Variants in SLCO1C1 observed in about 807,000 individuals in gnomAD.
The protein encoded by SLCO1C1 is solute carrier organic anion transporter family member 1C1, also known as OAT-RP-5.
SLCO1C1 carries 70 observed loss-of-function variants against 76.4 expected under a neutral mutation model. That is an observed-to-expected ratio of 0.92 (90% CI 0.76 to 1.12). SLCO1C1 has a LOEUF of 1.12. Ranked by LOEUF, SLCO1C1 falls within the 50% of genes most tolerant of loss-of-function variation. The pLI is 0.00. For synonymous variants in SLCO1C1, 306 were observed against 286.1 expected (o/e 1.07, Z -0.70); for missense variants, 912 against 823.8 (o/e 1.11, Z -1.31).
At chr12:20,750,444 G>A (rs1293350950) in intron 13 of SLCO1C1, among the ~76,000 whole-genome samples, 3 of 152,162 alleles carry the variant, frequency 2.0e-5, no homozygotes, top group African/African-American at 7.2e-5. Context: ...TGAGTTTGAA[G>A]TGCCTGAGTG....
intron 2 of SLCO1C1, among the ~76,000 whole-genome samples, chr12:20,700,905 A>C (rs1213080100): frequency 6.6e-6 from 1 of 152,008 alleles, no homozygotes; most frequent in Non-Finnish European, 1.5e-5. Context: ...CACCCTGTGA[A>C]ATACATAATC....
chr12:20,725,413 T>A (rs530424034), intron 9 of SLCO1C1, among the ~76,000 whole-genome samples: 1 of 138,596 alleles, frequency 7.2e-6, no homozygotes, highest in African/African-American at 2.6e-5. Flanking sequence ...AATACTATAA[T>A]AATATAGTAA....
At chr12:20,699,484 T>C (rs1946416401) in intron 1 of SLCO1C1, 68 bp from the exon 2 acceptor site, 4 of 1,312,636 alleles carry the variant, frequency 3.0e-6, no homozygotes, top group South Asian at 3.4e-5. Context: ...TGGTATACTG[T>C]TGAATAAAAA....
At chr12:20,718,966 T>C (rs529727414) in intron 7 of SLCO1C1, among the ~76,000 whole-genome samples, 3 of 152,284 alleles carry the variant, frequency 2.0e-5, no homozygotes, top group Admixed American at 6.5e-5. Context: ...GCAGATACTA[T>C]ATATTTTTTA....
chr12:20,701,468 T>G lies in SLCO1C1; in HGVS notation c.271+9T>G. On this transcript the variant is annotated intron_variant, in intron 3 of 14. Transcript: ENST00000266509. Reference sequence around the variant, plus strand: ...TGGTAGTTTTGAAATTGGTAGGTATTACAGATGCCTGACTTTAATTTTAAG... The same window carrying G: ...TGGTAGTTTTGAAATTGGTAGGTATGACAGATGCCTGACTTTAATTTTAAG... 6.8e-7 allele frequency: 1 copy of G among 1,462,036 alleles called. No individual in the cohort carries two copies. Among genetic ancestry groups the G allele is most frequent in the African/African-American group, 1.4e-5 (1 of 71,290 alleles). The allele number at this position is 1,462,036 out of a possible 1,614,324, so 90.6% of individuals were successfully genotyped here.
rs1949372519 is a variant in SLCO1C1 at position 20,752,745 on chromosome 12, ATAAAT to A, written c.*220_*224del. ...ACTAATTTTGAACTTTTTAATTTAT[ATAAAT>A]TATTTTATATCACTTACTTATTTCA... is the stretch of plus-strand genomic sequence containing the variant. On this transcript the variant is annotated 3_prime_UTR_variant, in exon 15 of 15. Coordinates refer to ENST00000266509, the MANE Select transcript of SLCO1C1 (RefSeq NM_017435.5). 1 of 347,082 alleles carries A rather than the reference ATAAAT, an allele frequency of 2.9e-6. No homozygotes were observed. Among genetic ancestry groups the A allele is most frequent in the South Asian group, 1.0e-4 (1 of 9,530 alleles). The allele number at this position is 347,082 out of a possible 1,614,324, so 21.5% of individuals were successfully genotyped here.
intron 5 of SLCO1C1, 146 bp downstream of exon 5, chr12:20,711,656 A>C (rs1357759701): frequency 1.3e-6 from 1 of 778,694 alleles, no homozygotes; most frequent in African/African-American, 1.8e-5. Context: ...AAAAATTCCT[A>C]GAATATAAAG....
In SLCO1C1 at chr12:20,752,600, A is replaced by G. The variant is rs189574686; in HGVS notation, c.*72A>G. 2.3e-6 allele frequency: 3 copies of G among 1,291,136 alleles called. No individual in the cohort carries two copies. The African/African-American group carries it at 4.5e-5, about 19-fold the overall frequency. The allele number at this position is 1,291,136 out of a possible 1,614,324, so 80.0% of individuals were successfully genotyped here. On this transcript the variant is annotated 3_prime_UTR_variant, in exon 15 of 15. Coordinates refer to ENST00000266509, the MANE Select transcript of SLCO1C1 (RefSeq NM_017435.5). ...CAAACAAATAAATTGTAATCAAAAG[A>G]GCTCTAAATTTGTAATTTCTTTCTC... is the stretch of plus-strand genomic sequence containing the variant.
At chr12:20,729,085 G>C (rs1948156490) in intron 9 of SLCO1C1, among the ~76,000 whole-genome samples, 1 of 152,048 alleles carries the variant, frequency 6.6e-6, no homozygotes, top group African/African-American at 2.4e-5. Context: ...TTATGATGTG[G>C]GTGGAGAATA....
intron 9 of SLCO1C1, among the ~76,000 whole-genome samples, chr12:20,724,554 C>T (rs1947866716): frequency 6.8e-6 from 1 of 147,264 alleles, no homozygotes; most frequent in South Asian, 2.1e-4. Context: ...CAAAACTTTT[C>T]CCCAAAGCTA....
chr12:20,752,339 C>T lies in SLCO1C1; in HGVS notation c.1950C>T (p.Gly650=), dbSNP rs773711297. 3.1e-6 allele frequency: 5 copies of T among 1,609,790 alleles called. No individual in the cohort carries two copies. In the Admixed American group the frequency reaches 8.4e-5, roughly 27 times the overall value. Residue 650 remains glycine, a synonymous_variant, in exon 15 of 15, where the codon GGC becomes GGT. Coordinates refer to ENST00000266509, the MANE Select transcript of SLCO1C1 (RefSeq NM_017435.5). ...HIYLGLTVIL[G]TVSILLSIAV... is the part of the protein sequence containing the mutation. The stretch of plus-strand genomic sequence containing the variant: ...ATCTGGGACTAACTGTGATACTGGG[C>T]ACAGTGTCAATTCTCCTAAGCATTG...
intron 13 of SLCO1C1, among the ~76,000 whole-genome samples, chr12:20,749,724 A>G (rs1253395302): frequency 6.6e-6 from 1 of 152,230 alleles, no homozygotes. Flanking sequence ...GGCATGAATA[A>G]GGAGGACATG....
intron 6 of SLCO1C1, among the ~76,000 whole-genome samples, chr12:20,716,798 C>T (rs901141083): frequency 6.6e-6 from 1 of 152,128 alleles, no homozygotes; most frequent in Admixed American, 6.6e-5. Context: ...GACAAACTAT[C>T]AAAATTAATA....
intron 7 of SLCO1C1, among the ~76,000 whole-genome samples, chr12:20,719,341 A>G (rs1430244875): frequency 3.9e-5 from 6 of 152,126 alleles, no homozygotes; most frequent in African/African-American, 7.2e-5. Context: ...AATTAGGCCA[A>G]TTAGTAACCC....
At chr12:20,699,483 G>C (rs925488191) in intron 1 of SLCO1C1, 69 bp from the exon 2 acceptor site, 2 of 1,306,880 alleles carry the variant, frequency 1.5e-6, no homozygotes, top group East Asian at 5.4e-5. Context: ...GTGGTATACT[G>C]TTGAATAAAA....
intron 5 of SLCO1C1, among the ~76,000 whole-genome samples, chr12:20,714,704 G>T (rs146662242): frequency 2.0e-5 from 3 of 152,244 alleles, no homozygotes; most frequent in Non-Finnish European, 2.9e-5. Context: ...GATTACTTAT[G>T]ATTTCTGCTG....
intron 11 of SLCO1C1, among the ~76,000 whole-genome samples, chr12:20,738,617 T>C (rs1184151205): frequency 6.6e-6 from 1 of 152,224 alleles, no homozygotes; most frequent in Admixed American, 6.5e-5. Context: ...TTTTTTTCTT[T>C]TCTTTGCTTT....
chr12:20,706,758 G>A (rs971918560), intron 4 of SLCO1C1, among the ~76,000 whole-genome samples: 5 of 152,034 alleles, frequency 3.3e-5, no homozygotes, highest in Admixed American at 1.3e-4. Flanking sequence ...AAATTTAGGT[G>A]TCTTGTAATT....
chr12:20,750,769 A>G lies in SLCO1C1; in HGVS notation c.1893A>G (p.Arg631=), dbSNP rs1949264018. ...FKRCGSRGSC[R]LYDSNVFRHI... is the part of the protein sequence containing the mutation. ...GATGTGGAAGTAGAGGATCATGCAG[A>G]TTATATGATTCAAATGTCTTCAGGT... The change falls in exon 14 of 15, where the codon AGA becomes AGG. Residue 631 remains arginine, a synonymous_variant. Transcript: ENST00000266509. 2 of 1,613,964 alleles carry G rather than the reference A, an allele frequency of 1.2e-6. No homozygotes were observed. Among genetic ancestry groups the G allele is most frequent in the African/African-American group, 1.3e-5 (1 of 75,042 alleles).
Sources: gnomAD v4.1 joint callset for allele counts (sites outside exome capture counted in the v4.1 genomes callset) on GRCh38, gnomAD v4.1.1 for gene constraint, MANE v1.5 for transcripts, NCBI Gene and HGNC (gene_info 2026-07-23, HGNC 2026-07-21) for gene names.